The following MAML2 variants were observed in gnomAD, a reference collection of about 807,000 sequenced individuals.
The protein encoded by MAML2 is mastermind like transcriptional coactivator 2.
MAML2 carries 22 observed loss-of-function variants against 96.1 expected under a neutral mutation model. That is an observed-to-expected ratio of 0.23 (90% CI 0.16 to 0.33). The LOEUF (loss-of-function observed/expected upper bound fraction) is 0.33, where lower values mean the gene tolerates loss of function less well. MAML2 is among the 10% of genes least tolerant of loss of function. The pLI is 1.00. For missense variants in MAML2, 1,367 were observed against 1,392.4 expected (o/e 0.98, Z 0.29); for synonymous variants, 561 against 521.3 (o/e 1.08, Z -1.04).
At chr11:96,158,346 C>T (rs1861045829) in intron 1 of MAML2, among the ~76,000 whole-genome samples, 1 of 152,152 alleles carries the variant, frequency 6.6e-6, no homozygotes, top group Admixed American at 6.5e-5. Flanking sequence ...ACCAGGCCCA[C>T]ACATAGAGAT....
intron 1 of MAML2, among the ~76,000 whole-genome samples, chr11:96,270,876 A>G (rs190887066): frequency 6.6e-6 from 1 of 152,174 alleles, no homozygotes; most frequent in African/African-American, 2.4e-5. Flanking sequence ...TGGATCGGGA[A>G]AGGCAGACCC....
At chr11:96,088,560 A>G (rs1396069177) in intron 2 of MAML2, among the ~76,000 whole-genome samples, 1 of 152,178 alleles carries the variant, frequency 6.6e-6, no homozygotes, top group Admixed American at 6.5e-5. Context: ...CAAATCAGGA[A>G]GGGAAGAAAA....
intron 3 of MAML2, among the ~76,000 whole-genome samples, chr11:95,991,204 C>A (rs1857904322): frequency 6.6e-6 from 1 of 152,060 alleles, no homozygotes; most frequent in Admixed American, 6.6e-5. Flanking sequence ...CTGTTTCTGC[C>A]CCTTAAGCCT....
At chr11:96,029,705 T>C (rs1349498419) in intron 2 of MAML2, among the ~76,000 whole-genome samples, 1 of 152,212 alleles carries the variant, frequency 6.6e-6, no homozygotes, top group Non-Finnish European at 1.5e-5. Flanking sequence ...TCCCACCATT[T>C]GTCATTCACT....
chr11:96,243,134 C>G (rs1302059531), intron 1 of MAML2, among the ~76,000 whole-genome samples: 1 of 151,688 alleles, frequency 6.6e-6, no homozygotes, highest in African/African-American at 2.4e-5. Context: ...TTCTCTCTTA[C>G]ACACACACAC....
intron 1 of MAML2, among the ~76,000 whole-genome samples, chr11:96,247,115 CAG>C (rs1244297505): frequency 2.0e-5 from 3 of 151,994 alleles, no homozygotes; most frequent in Non-Finnish European, 4.4e-5. Context: ...AAGCAGAGAA[CAG>C]AGAGCCCTCA....
intron 2 of MAML2, among the ~76,000 whole-genome samples, chr11:96,057,335 A>G (rs1226503919): frequency 1.3e-5 from 2 of 152,084 alleles, no homozygotes; most frequent in African/African-American, 2.4e-5. Context: ...CTTCTCCTAA[A>G]TGCAACTTAA....
intron 1 of MAML2, among the ~76,000 whole-genome samples, chr11:96,179,422 C>A (rs1861448949): frequency 6.6e-6 from 1 of 152,138 alleles, no homozygotes; most frequent in East Asian, 1.9e-4. Flanking sequence ...ATTTCTTTAA[C>A]CCCCTCCTCC....
chr11:96,244,036 A>G (rs1401329457), intron 1 of MAML2, among the ~76,000 whole-genome samples: 1 of 152,102 alleles, frequency 6.6e-6, no homozygotes, highest in Non-Finnish European at 1.5e-5. Context: ...TCAGAGGCGG[A>G]CCTCAAGTGG....
Position 96,271,596 on chromosome 11 carries a change from T to C in MAML2, c.513+69787A>G, listed in dbSNP as rs548661286. 5.2e-4 allele frequency among the ~76,000 whole-genome samples: 79 copies of C among 152,218 alleles called. 1 individual carries two copies. Among genetic ancestry groups the C allele is most frequent in the Admixed American group, 2.2e-3 (34 of 15,294 alleles). On this transcript the variant is annotated intron_variant, in intron 1 of 4. Transcript: ENST00000524717. ...ATCTGGTGGTTTTATAAGGGGCTTTTCCCCCACTTTGCTCTGCACTTCTCC... is the reference window on the plus strand; with the variant it reads ...ATCTGGTGGTTTTATAAGGGGCTTTCCCCCCACTTTGCTCTGCACTTCTCC...
chr11:96,323,993 A>T (rs1310832593), intron 1 of MAML2, among the ~76,000 whole-genome samples: 1 of 152,256 alleles, frequency 6.6e-6, no homozygotes, highest in Admixed American at 6.5e-5. Context: ...GCCCCTAGAC[A>T]TTCATTCTGA....
chr11:96,148,930 TG>T, intron 1 of MAML2, among the ~76,000 whole-genome samples: 1 of 152,226 alleles, frequency 6.6e-6, no homozygotes, highest in African/African-American at 2.4e-5. Context: ...CCAGTTAGCA[TG>T]GATGTGAAAT....
intron 1 of MAML2, among the ~76,000 whole-genome samples, chr11:96,238,331 A>G (rs1052514598): frequency 1.3e-5 from 2 of 152,246 alleles, no homozygotes; most frequent in African/African-American, 2.4e-5. Context: ...GCCAAGGTGT[A>G]TCTGTGTTAT....
At chr11:96,147,030 A>G (rs898619633) in intron 1 of MAML2, among the ~76,000 whole-genome samples, 1 of 152,172 alleles carries the variant, frequency 6.6e-6, no homozygotes, top group Non-Finnish European at 1.5e-5. Context: ...TCTATCCTTC[A>G]TTTATTAAGA....
chr11:96,218,956 T>C (rs1862092201), intron 1 of MAML2, among the ~76,000 whole-genome samples: 1 of 152,226 alleles, frequency 6.6e-6, no homozygotes, highest in Non-Finnish European at 1.5e-5. Context: ...TGAATTATGA[T>C]CAGAAGTACA....
intron 2 of MAML2, among the ~76,000 whole-genome samples, chr11:96,041,361 C>T (rs756367899): frequency 6.6e-6 from 1 of 150,564 alleles, no homozygotes; most frequent in Admixed American, 6.6e-5. Context: ...TTTAGCCGGG[C>T]ATAGTGGTGG....
intron 1 of MAML2, among the ~76,000 whole-genome samples, chr11:96,264,682 G>A (rs1007183402): frequency 6.6e-6 from 1 of 152,106 alleles, no homozygotes; most frequent in East Asian, 1.9e-4. Flanking sequence ...ATAACGGAGG[G>A]TCCACAAATT....
At chr11:96,090,452 G>C (rs1192979562) in intron 2 of MAML2, among the ~76,000 whole-genome samples, 2 of 152,158 alleles carry the variant, frequency 1.3e-5, no homozygotes, top group Non-Finnish European at 2.9e-5. Flanking sequence ...AATAGGCTTA[G>C]AGAAGTTCAG....
At chr11:96,169,626 G>C (rs999810802) in intron 1 of MAML2, among the ~76,000 whole-genome samples, 6 of 151,768 alleles carry the variant, frequency 4.0e-5, no homozygotes, top group African/African-American at 1.5e-4. Context: ...CAGCAGAATG[G>C]GGTAAGAAAA....
Sources: allele counts gnomAD v4.1 joint callset (sites outside exome capture counted in the v4.1 genomes callset), GRCh38; gene constraint gnomAD v4.1.1; transcripts MANE v1.5; gene names NCBI Gene and HGNC (gene_info 2026-07-23, HGNC 2026-07-21).